The following CLSTN2 variants were observed in gnomAD, a reference collection of about 807,000 sequenced individuals.
The protein encoded by CLSTN2 is calsyntenin 2.
CLSTN2 carries 48 observed loss-of-function variants against 101.2 expected under a neutral mutation model. The observed-to-expected ratio is 0.47, with a 90% CI of 0.38 to 0.60. The LOEUF (loss-of-function observed/expected upper bound fraction) is 0.60. CLSTN2 is among the 20% of genes least tolerant of loss of function. The pLI is 0.00. For missense variants in CLSTN2, 1,160 were observed against 1,238.2 expected (o/e 0.94, Z 0.95); for synonymous variants, 481 against 463.6 (o/e 1.04, Z -0.48).
chr3:140,068,500 G>A (rs560334974), intron 1 of CLSTN2, among the ~76,000 whole-genome samples: 44 of 152,308 alleles, frequency 2.9e-4, no homozygotes, highest in Non-Finnish European at 5.4e-4. Context: ...CTGGGTACTT[G>A]GATTTGAGAT....
chr3:140,521,638 T>C (rs1439704351), intron 8 of CLSTN2, among the ~76,000 whole-genome samples: 1 of 152,172 alleles, frequency 6.6e-6, no homozygotes, highest in African/African-American at 2.4e-5. Context: ...ATCTGGCTGA[T>C]TTTTGGTAGT....
chr3:140,496,219 T>C (rs349510), intron 8 of CLSTN2, among the ~76,000 whole-genome samples: 82,841 of 151,964 alleles, frequency 0.55, 25,228 homozygotes, highest in African/African-American at 0.83. Context: ...TTATTCTCTT[T>C]GTAGCAATTG....
intron 2 of CLSTN2, among the ~76,000 whole-genome samples, chr3:140,299,471 C>T (rs1486883261): frequency 6.6e-6 from 1 of 152,172 alleles, no homozygotes; most frequent in Non-Finnish European, 1.5e-5. Context: ...AGAGATAAGT[C>T]ATATTTAAAT....
intron 2 of CLSTN2, among the ~76,000 whole-genome samples, chr3:140,376,471 T>A (rs2087918154): frequency 6.6e-6 from 1 of 152,242 alleles, no homozygotes; most frequent in Non-Finnish European, 1.5e-5. Flanking sequence ...ATTCCCCTCC[T>A]TTCTGCATTT....
At chr3:140,307,231 G>A (rs938853117) in intron 2 of CLSTN2, among the ~76,000 whole-genome samples, 1 of 152,136 alleles carries the variant, frequency 6.6e-6, no homozygotes. Flanking sequence ...GCCCACTCGG[G>A]TGTGTCTTTA....
chr3:139,937,107 G>T (rs192349105), intron 1 of CLSTN2, among the ~76,000 whole-genome samples: 2 of 151,936 alleles, frequency 1.3e-5, no homozygotes, highest in Admixed American at 6.5e-5. Flanking sequence ...TTTTTTGGGG[G>T]GTGGGGGGGA....
At chr3:140,383,572 G>A (rs1244216731) in intron 2 of CLSTN2, among the ~76,000 whole-genome samples, 1 of 152,138 alleles carries the variant, frequency 6.6e-6, no homozygotes, top group African/African-American at 2.4e-5. Context: ...TTTTTCTGAG[G>A]TATACAGAAT....
intron 5 of CLSTN2, among the ~76,000 whole-genome samples, chr3:140,423,537 A>G (rs1448921581): frequency 6.6e-6 from 1 of 152,224 alleles, no homozygotes; most frequent in Non-Finnish European, 1.5e-5. Context: ...AAACACATGT[A>G]ACATCAGAAT....
intron 2 of CLSTN2, among the ~76,000 whole-genome samples, chr3:140,179,646 A>C (rs938277976): frequency 6.7e-6 from 1 of 149,584 alleles, no homozygotes; most frequent in Non-Finnish European, 1.5e-5. Context: ...AAAAAAAAAA[A>C]AAAAAACCTT....
At chr3:140,219,605 C>G (rs2086248687) in intron 2 of CLSTN2, among the ~76,000 whole-genome samples, 1 of 152,154 alleles carries the variant, frequency 6.6e-6, no homozygotes, top group Non-Finnish European at 1.5e-5. Flanking sequence ...CTGGTAAATA[C>G]AGTGGGAGGC....
chr3:140,534,577 C>T (rs757900620), intron 9 of CLSTN2, among the ~76,000 whole-genome samples: 6 of 152,214 alleles, frequency 3.9e-5, no homozygotes, highest in South Asian at 2.1e-4. Context: ...GGCTCTTTTC[C>T]GCCTTATCCA....
intron 8 of CLSTN2, among the ~76,000 whole-genome samples, chr3:140,467,346 G>A (rs1257829590): frequency 1.3e-5 from 2 of 152,168 alleles, no homozygotes; most frequent in African/African-American, 4.8e-5. Flanking sequence ...GAGCATTAAC[G>A]GTGGAAGTAG....
At chr3:140,520,138 CTTCTGGCTTG>C (rs1185802890) in intron 8 of CLSTN2, among the ~76,000 whole-genome samples, 36 of 152,300 alleles carry the variant, frequency 2.4e-4, no homozygotes, top group Admixed American at 2.4e-3. Flanking sequence ...CCCCCAGTAT[CTTCTGGCTTG>C]TAGGGTTTCT....
chr3:140,067,175 G>C (rs2008313465), intron 1 of CLSTN2, among the ~76,000 whole-genome samples: 1 of 152,178 alleles, frequency 6.6e-6, no homozygotes, highest in Non-Finnish European at 1.5e-5. Context: ...GCAACCCTGG[G>C]ACCTACTTGG....
chr3:140,217,093 G>GT (rs997445987), intron 2 of CLSTN2, among the ~76,000 whole-genome samples: 5 of 152,208 alleles, frequency 3.3e-5, no homozygotes, highest in South Asian at 2.1e-4. Flanking sequence ...CCAGGGTGCA[G>GT]TTTTTTTAAC....
intron 1 of CLSTN2, among the ~76,000 whole-genome samples, chr3:140,021,163 A>G (rs1455300001): frequency 6.6e-6 from 1 of 152,170 alleles, no homozygotes; most frequent in Admixed American, 6.5e-5. Flanking sequence ...CCATGGGGGA[A>G]GCATCATTGC....
chr3:140,043,351 G>C (rs1335552012), intron 1 of CLSTN2, among the ~76,000 whole-genome samples: 1 of 152,160 alleles, frequency 6.6e-6, no homozygotes, highest in Non-Finnish European at 1.5e-5. Context: ...CATATCCTTT[G>C]CCCACATGTT....
At chr3:140,313,432 AAG>A (rs759053896) in intron 2 of CLSTN2, among the ~76,000 whole-genome samples, 4 of 152,162 alleles carry the variant, frequency 2.6e-5, no homozygotes, top group African/African-American at 4.8e-5. Context: ...GCCCTCACGA[AAG>A]ACTCCATAGA....
intron 2 of CLSTN2, among the ~76,000 whole-genome samples, chr3:140,188,425 G>A (rs2010512372): frequency 6.6e-6 from 1 of 152,298 alleles, no homozygotes; most frequent in East Asian, 1.9e-4. Flanking sequence ...TGGTGGTAGG[G>A]AGAGAGGGGC....
Sources: gnomAD v4.1 joint callset for allele counts (sites outside exome capture counted in the v4.1 genomes callset) on GRCh38, gnomAD v4.1.1 for gene constraint, MANE v1.5 for transcripts, NCBI Gene and HGNC (gene_info 2026-07-23, HGNC 2026-07-21) for gene names.